ALKBH1: variants seen among roughly 807,000 people sequenced by gnomAD.
ALKBH1 encodes alkB homolog 1, histone H2A dioxygenase.
ALKBH1 carries 31 observed loss-of-function variants against 36.6 expected under a neutral mutation model. The observed-to-expected ratio is 0.85, with a 90% CI of 0.64 to 1.14. The LOEUF (loss-of-function observed/expected upper bound fraction) is 1.14. Among genes scored for constraint, ALKBH1 ranks in the 50% most tolerant of loss-of-function variants. The probability of loss-of-function intolerance (pLI) is 0.00; values close to 1 mark genes in which losing one functional copy is unlikely to be tolerated. For synonymous variants in ALKBH1, 183 were observed against 186.6 expected (o/e 0.98, Z 0.16); for missense variants, 490 against 497.3 (o/e 0.99, Z 0.14).
intron 2 of ALKBH1, among the ~76,000 whole-genome samples, chr14:77,702,554 A>G (rs1406736415): frequency 6.6e-6 from 1 of 152,182 alleles, no homozygotes; most frequent in East Asian, 1.9e-4. Context: ...CTTTTAACCC[A>G]TATTTGAAAT....
chr14:77,705,411 G>GAAAAAAAAA (rs56123313), intron 1 of ALKBH1, among the ~76,000 whole-genome samples: 3 of 113,390 alleles, frequency 2.6e-5, no homozygotes, highest in African/African-American at 3.4e-5. Flanking sequence ...CTCCGTCTAA[G>GAAAAAAAAA]AAAAAAAAAA....
intron 3 of ALKBH1, among the ~76,000 whole-genome samples, chr14:77,685,338 G>A (rs1199242109): frequency 6.6e-6 from 1 of 151,756 alleles, no homozygotes; most frequent in Non-Finnish European, 1.5e-5. Flanking sequence ...AGCTACTCAG[G>A]AAGCTGAGGT....
rs778823471 is a variant in ALKBH1, at chr14:77,675,705, G to A, written c.691C>T (p.His231Tyr). ...YYRLDSTLGI[H>Y]VDRSELDHSK... ...TGATCTAGCTCAGATCTGTCTACGTGGATTCCCAGTGTGGAGTCCAGGCGG... is the reference window on the plus strand; with the variant it reads ...TGATCTAGCTCAGATCTGTCTACGTAGATTCCCAGTGTGGAGTCCAGGCGG... The change falls in exon 5 of 6, where the codon CAC (histidine) becomes TAC (tyrosine). Residue 231 changes from histidine to tyrosine, a missense_variant. His to Tyr is a moderately conservative substitution (Grantham distance 83, BLOSUM62 2). Transcript: ENST00000216489. 1.9e-6 allele frequency: 3 copies of A among 1,614,016 alleles called. No homozygotes were observed. In the South Asian group the frequency reaches 3.3e-5, roughly 18 times the overall value.
At chr14:77,680,382 C>T (rs1355376135) in intron 3 of ALKBH1, among the ~76,000 whole-genome samples, 1 of 152,120 alleles carries the variant, frequency 6.6e-6, no homozygotes, top group African/African-American at 2.4e-5. Flanking sequence ...CAGTTAATCA[C>T]AATGATTTCT....
At chr14:77,694,362 G>T (rs1188475688) in intron 3 of ALKBH1, among the ~76,000 whole-genome samples, 5 of 152,180 alleles carry the variant, frequency 3.3e-5, no homozygotes, top group Admixed American at 1.3e-4. Flanking sequence ...ATCCATCTAG[G>T]AGGGTAGAAG....
intron 2 of ALKBH1, among the ~76,000 whole-genome samples, chr14:77,701,690 A>G (rs1279123648): frequency 6.6e-6 from 1 of 152,214 alleles, no homozygotes; most frequent in Non-Finnish European, 1.5e-5. Context: ...ACTCAGAGTA[A>G]GAAGAGACTG....
At chr14:77,692,493 A>G (rs1309623742) in intron 3 of ALKBH1, among the ~76,000 whole-genome samples, 3 of 152,180 alleles carry the variant, frequency 2.0e-5, no homozygotes, top group Non-Finnish European at 4.4e-5. Flanking sequence ...TTGCATGTAC[A>G]GTTCACAACA....
intron 2 of ALKBH1, among the ~76,000 whole-genome samples, chr14:77,701,986 G>C (rs1336669899): frequency 6.6e-6 from 1 of 152,162 alleles, no homozygotes; most frequent in Non-Finnish European, 1.5e-5. Context: ...TAGAGCAACA[G>C]AGAATCATGG....
chr14:77,689,465 T>C (rs1304599050), intron 3 of ALKBH1, among the ~76,000 whole-genome samples: 1 of 152,218 alleles, frequency 6.6e-6, no homozygotes, highest in African/African-American at 2.4e-5. Context: ...AGCTATATAG[T>C]CTCTAAATGA....
chr14:77,674,930 G>A (rs2080196723), intron 5 of ALKBH1, among the ~76,000 whole-genome samples: 1 of 152,060 alleles, frequency 6.6e-6, no homozygotes, highest in African/African-American at 2.4e-5. Flanking sequence ...TTAAAGATAA[G>A]GCAATTAATA....
chr14:77,680,677 C>CTTTTTTTTT (rs1555383644), intron 3 of ALKBH1, among the ~76,000 whole-genome samples: 2,593 of 123,324 alleles, frequency 0.021, 161 homozygotes, highest in African/African-American at 0.057. Context: ...ATTAACTACT[C>CTTTTTTTTT]TTTTTTTTTT....
At chr14:77,706,895 A>T (rs1410904065) in intron 1 of ALKBH1, among the ~76,000 whole-genome samples, 1 of 152,200 alleles carries the variant, frequency 6.6e-6, no homozygotes, top group Non-Finnish European at 1.5e-5. Context: ...AGCTGTTAGG[A>T]AGCTTGGAAA....
intron 2 of ALKBH1, among the ~76,000 whole-genome samples, chr14:77,695,416 C>A (rs1302440659): frequency 6.6e-6 from 1 of 152,192 alleles, no homozygotes; most frequent in Non-Finnish European, 1.5e-5. Context: ...AGCTACATTT[C>A]TTATTTGCCA....
intron 2 of ALKBH1, among the ~76,000 whole-genome samples, chr14:77,698,405 G>A (rs1256790963): frequency 6.6e-6 from 1 of 152,180 alleles, no homozygotes; most frequent in Non-Finnish European, 1.5e-5. Flanking sequence ...AGTGTTGGGG[G>A]CATTGAAGGC....
chr14:77,699,919 G>T (rs2080349949), intron 2 of ALKBH1, among the ~76,000 whole-genome samples: 3 of 152,150 alleles, frequency 2.0e-5, no homozygotes, highest in Admixed American at 2.0e-4. Flanking sequence ...GCTGGGCGTG[G>T]TGGCGGGCGC....
At chr14:77,706,513 A>T (rs2080391891) in intron 1 of ALKBH1, among the ~76,000 whole-genome samples, 1 of 152,174 alleles carries the variant, frequency 6.6e-6, no homozygotes, top group Non-Finnish European at 1.5e-5. Flanking sequence ...GCTGGCTTGT[A>T]ATAGTAACTT....
chr14:77,676,623 T>C (rs1291692284), intron 4 of ALKBH1, among the ~76,000 whole-genome samples: 2 of 152,244 alleles, frequency 1.3e-5, no homozygotes, highest in Non-Finnish European at 2.9e-5. Context: ...CAAATGCTAT[T>C]ACAGTAATGT....
chr14:77,695,063 A>G (rs141975125), intron 2 of ALKBH1, among the ~76,000 whole-genome samples, 163 bp from the exon 3 acceptor site: 51 of 152,326 alleles, frequency 3.3e-4, no homozygotes, highest in African/African-American at 1.2e-3. Flanking sequence ...AACATTAGAC[A>G]TCTACCCCTA....
rs1013337600 is a variant in ALKBH1 at position 77,674,306 on chromosome 14, T to C, written c.741-65A>G. 20 of 1,427,916 alleles carry C rather than the reference T, an allele frequency of 1.4e-5. No homozygotes were observed. The African/African-American group carries it at 2.7e-4, about 20-fold the overall frequency. 88.5% of individuals were successfully genotyped at this position (1,427,916 alleles called of 1,614,324 possible). A position where few individuals can be genotyped will look rare whatever the true frequency, so the allele number is the denominator to read the frequency against. On this transcript the variant is annotated intron_variant, in intron 5 of 5. Transcript: ENST00000216489. ...ATAAATTTTGTTTATTAACTATGAC[T>C]GGGAAAGTTACTGCCAACTGTGTTA... is the stretch of plus-strand genomic sequence containing the variant.
Sources: allele counts gnomAD v4.1 joint callset (sites outside exome capture counted in the v4.1 genomes callset), GRCh38; gene constraint gnomAD v4.1.1; transcripts MANE v1.5; gene names NCBI Gene and HGNC (gene_info 2026-07-23, HGNC 2026-07-21).